BMP7: variants seen among roughly 807,000 people sequenced by gnomAD.
BMP7 encodes bone morphogenetic protein 7.
A neutral mutation model predicts 41.2 loss-of-function variants in BMP7; 12 were observed. The ratio of observed to expected loss-of-function variants is 0.29; its 90% confidence interval spans 0.19 to 0.47. The LOEUF is 0.47. BMP7 is among the 20% of genes least tolerant of loss of function. BMP7 has a pLI of 0.99. For synonymous variants in BMP7, 248 were observed against 250.0 expected (o/e 0.99, Z 0.07); for missense variants, 467 against 606.0 (o/e 0.77, Z 2.41).
chr20:57,186,851 T>TAAGGTAAAGGGAG (rs1984224291), intron 3 of BMP7, among the ~76,000 whole-genome samples: 3 of 152,198 alleles, frequency 2.0e-5, no homozygotes, highest in African/African-American at 7.2e-5. Flanking sequence ...CCGCCGCTAT[T>TAAGGTAAAGGGAG]TTACCTTAAC....
chr20:57,261,772 G>A lies in BMP7; in HGVS notation c.418+3933C>T, dbSNP rs1044962870. On this transcript the variant is annotated intron_variant, in intron 1 of 6. Coordinates refer to ENST00000395863, the MANE Select transcript of BMP7 (RefSeq NM_001719.3). The surrounding 1 kb of genome is among the most constrained non-coding windows in gnomAD (Gnocchi z 4.1). Reference sequence around the variant, plus strand: ...CAGGTTACAGCTGCAAATGCCTGCAGTCCACGCTCCCCTTTGCGAAGCACT... The same window carrying A: ...CAGGTTACAGCTGCAAATGCCTGCAATCCACGCTCCCCTTTGCGAAGCACT... 5.9e-5 allele frequency among the ~76,000 whole-genome samples: 9 copies of A among 152,216 alleles called. No individual in the cohort carries two copies. The highest frequency in any genetic ancestry group is 5.2e-4 in the Admixed American group (8 of 15,278).
At chr20:57,183,663 C>T in intron 4 of BMP7, 59 bp downstream of exon 4, 1 of 1,607,516 alleles carries the variant, frequency 6.2e-7, no homozygotes, top group East Asian at 2.2e-5. Flanking sequence ...CTGCCGGGTC[C>T]CGCCGGGGCC....
intron 3 of BMP7, among the ~76,000 whole-genome samples, chr20:57,193,572 G>C (rs1020242943): frequency 6.6e-6 from 1 of 152,158 alleles, no homozygotes; most frequent in Non-Finnish European, 1.5e-5. Flanking sequence ...TTTTGCATTG[G>C]CTTATTCCAA....
At chr20:57,243,753 G>A (rs1439348666) in intron 1 of BMP7, 2 of 152,354 alleles carry the variant, frequency 1.3e-5, no homozygotes, top group African/African-American at 4.8e-5. Context: ...CCACGGCTGA[G>A]TTGGTCTCAC....
chr20:57,262,502 G>A (rs899319543), intron 1 of BMP7, among the ~76,000 whole-genome samples: 3 of 152,150 alleles, frequency 2.0e-5, no homozygotes, highest in African/African-American at 4.8e-5. Context: ...TTTAGATCCC[G>A]CTCAGCCTGG....
intron 1 of BMP7, among the ~76,000 whole-genome samples, chr20:57,245,097 C>G (rs2066084504): frequency 6.6e-6 from 1 of 152,180 alleles, no homozygotes. Flanking sequence ...TAATCAGCTT[C>G]ATTTCTGAAA....
rs542486252 is a variant in BMP7 at position 57,215,165 on chromosome 20, C to T, written c.612-12542G>A. ...CTAGTTGAAGGGAAACCCTCATCAGCCCCTGGGCACCTCCATACCCCCCAC... is the reference window on the plus strand; with the variant it reads ...CTAGTTGAAGGGAAACCCTCATCAGTCCCTGGGCACCTCCATACCCCCCAC... On this transcript the variant is annotated intron_variant, in intron 2 of 6. Transcript: ENST00000395863. The surrounding 1 kb of genome is among the most constrained non-coding windows in gnomAD (Gnocchi z 4.2). 9.8e-5 allele frequency among the ~76,000 whole-genome samples: 15 copies of T among 152,308 alleles called. No homozygotes were observed. The South Asian group carries it at 1.9e-3, about 19-fold the overall frequency.
intron 1 of BMP7, among the ~76,000 whole-genome samples, chr20:57,229,311 A>C (rs2066019838): frequency 6.6e-6 from 1 of 152,228 alleles, no homozygotes; most frequent in Admixed American, 6.5e-5. Context: ...ACAGCAGTAG[A>C]CTAACAGCAC....
At position 57,170,604 on chromosome 20, in the gene BMP7, C is replaced by CA; in HGVS notation, c.*354_*355insT. 1 of 347,232 alleles carries CA rather than the reference C, an allele frequency of 2.9e-6. No homozygotes were observed. The highest frequency in any genetic ancestry group is 7.4e-5 in the East Asian group (1 of 13,600). The allele number at this position is 347,232 out of a possible 1,614,324, so 21.5% of individuals were successfully genotyped here. ...CCCTTGCCACGCCCCCTTCCTCCCA[C>CA]GGCTGGGTGGCCTGGCTGGTAGGCG... On this transcript the variant is annotated 3_prime_UTR_variant, in exon 7 of 7. Coordinates refer to ENST00000395863, the MANE Select transcript of BMP7 (RefSeq NM_001719.3).
chr20:57,229,955 A>G (rs569369958), intron 1 of BMP7, among the ~76,000 whole-genome samples: 1 of 152,264 alleles, frequency 6.6e-6, no homozygotes, highest in East Asian at 1.9e-4. Context: ...TGGGGGAATT[A>G]CCCGCTCAGG....
At chr20:57,230,922 C>T (rs2066027083) in intron 1 of BMP7, among the ~76,000 whole-genome samples, 1 of 151,958 alleles carries the variant, frequency 6.6e-6, no homozygotes, top group Non-Finnish European at 1.5e-5. Flanking sequence ...CGTGATCCAC[C>T]TGCCTCGGCC....
At position 57,173,372 on chromosome 20, in the gene BMP7, C is replaced by T. The variant is rs1217618418; in HGVS notation, c.1036-62G>A. 7 of 1,501,048 alleles carry T rather than the reference C, an allele frequency of 4.7e-6. No individual in the cohort carries two copies. In the East Asian group the frequency reaches 9.2e-5, roughly 20 times the overall value. The allele number at this position is 1,501,048 out of a possible 1,614,324, so 93.0% of individuals were successfully genotyped here. On this transcript the variant is annotated intron_variant, in intron 5 of 6. Coordinates refer to ENST00000395863, the MANE Select transcript of BMP7 (RefSeq NM_001719.3). ...AGGCCTGAGCCACAGCATCCCAACC[C>T]CCATGCTGGCCAGAAACCACCACGC...
intron 1 of BMP7, among the ~76,000 whole-genome samples, chr20:57,237,822 C>T (rs1568725842): frequency 6.6e-6 from 1 of 152,206 alleles, no homozygotes. Context: ...CCAGCATGGA[C>T]GTGAGAGCCG....
intron 3 of BMP7, among the ~76,000 whole-genome samples, chr20:57,198,238 G>A (rs1268209231): frequency 1.4e-5 from 2 of 139,670 alleles, no homozygotes; most frequent in Admixed American, 1.5e-4. Flanking sequence ...CTCTCCTCTC[G>A]CTCTCCTCTC....
intron 1 of BMP7, among the ~76,000 whole-genome samples, chr20:57,234,024 T>C (rs2123122732): frequency 6.6e-6 from 1 of 152,298 alleles, no homozygotes; most frequent in African/African-American, 2.4e-5. Flanking sequence ...ATGAGCAAAG[T>C]TGGGGCATGG....
intron 2 of BMP7, among the ~76,000 whole-genome samples, chr20:57,220,495 T>A (rs1985164079): frequency 1.3e-5 from 2 of 152,360 alleles, no homozygotes; most frequent in South Asian, 4.1e-4. Context: ...AATGAGCTTC[T>A]ATAGGCGAGC....
intron 5 of BMP7, 72 bp from the exon 6 acceptor site, chr20:57,173,382 C>T: frequency 7.1e-7 from 1 of 1,412,334 alleles, no homozygotes; most frequent in Non-Finnish European, 9.9e-7. Flanking sequence ...CCCATGCTGG[C>T]CAGAAACCAC....
intron 2 of BMP7, among the ~76,000 whole-genome samples, chr20:57,212,754 G>T (rs1234937715): frequency 6.6e-6 from 1 of 152,178 alleles, no homozygotes; most frequent in Non-Finnish European, 1.5e-5. Context: ...ACCCCAGCCT[G>T]CAGGGAAGCC....
Position 57,227,560 on chromosome 20 carries a change from C to T in BMP7, c.611+669G>A, listed in dbSNP as rs2236227. On this transcript the variant is annotated intron_variant, in intron 2 of 6. Coordinates refer to ENST00000395863, the MANE Select transcript of BMP7 (RefSeq NM_001719.3). ...CATCAATTTCCCTGCCCAGTGGGGACGGTAGATGTCTGACAGCCTGCGGGG... is the reference window on the plus strand; with the variant it reads ...CATCAATTTCCCTGCCCAGTGGGGATGGTAGATGTCTGACAGCCTGCGGGG... Among the ~76,000 whole-genome samples, 53 of 152,224 alleles carry T rather than the reference C, an allele frequency of 3.5e-4. No homozygotes were observed. The East Asian group carries it at 8.1e-3, about 23-fold the overall frequency.
Sources: allele counts gnomAD v4.1 joint callset (sites outside exome capture counted in the v4.1 genomes callset), GRCh38; gene constraint gnomAD v4.1.1; non-coding constraint Gnocchi (gnomAD v3.1); transcripts MANE v1.5; gene names NCBI Gene and HGNC (gene_info 2026-07-23, HGNC 2026-07-21).